PCCB: variants seen among roughly 807,000 people sequenced by gnomAD.
PCCB encodes the protein propionyl-CoA carboxylase subunit beta, also known as propionyl-CoA carboxylase beta chain, mitochondrial.
In PCCB, 43 loss-of-function variants were observed where a neutral mutation model predicts 60.7. The ratio of observed to expected loss-of-function variants is 0.71; its 90% CI spans 0.55 to 0.91. The LOEUF (loss-of-function observed/expected upper bound fraction) is 0.91, where lower values mean the gene tolerates loss of function less well. PCCB is among the 40% of genes least tolerant of loss of function. PCCB has a pLI of 0.00. For synonymous variants in PCCB, 276 were observed against 255.9 expected (o/e 1.08, Z -0.75); for missense variants, 766 against 702.8 (o/e 1.09, Z -1.02).
At chr3:136,263,635 A>G (rs566174080) in intron 5 of PCCB, among the ~76,000 whole-genome samples, 2 of 152,182 alleles carry the variant, frequency 1.3e-5, no homozygotes, top group East Asian at 3.9e-4. Flanking sequence ...TTAATTGCTT[A>G]CTAATGCTGC....
intron 9 of PCCB, among the ~76,000 whole-genome samples, chr3:136,310,227 G>A (rs1238500772): frequency 6.6e-6 from 1 of 152,192 alleles, no homozygotes; most frequent in Non-Finnish European, 1.5e-5. Flanking sequence ...GCCAGGTGTG[G>A]TGGTACATGC....
At chr3:136,273,590 CTTTTTTCTTTTTTTTTTTTT>C (rs1342905864) in intron 5 of PCCB, among the ~76,000 whole-genome samples, 1 of 65,638 alleles carries the variant, frequency 1.5e-5, no homozygotes, top group African/African-American at 6.0e-5. Context: ...TTTTTTTTTT[CTTTTTTCTTTTTTTTTTTTT>C]TTTTTTTTTA....
At chr3:136,259,172 AC>A (rs1262280238) in intron 3 of PCCB, 1 of 1,464,100 alleles carries the variant, frequency 6.8e-7, no homozygotes. Flanking sequence ...TCTTTTTAAA[AC>A]AGCAAATAAT....
intron 9 of PCCB, among the ~76,000 whole-genome samples, chr3:136,308,322 C>T (rs1435523149): frequency 6.6e-6 from 1 of 151,640 alleles, no homozygotes; most frequent in Non-Finnish European, 1.5e-5. Context: ...CAACTTCCAC[C>T]TCCCAGGTTC....
chr3:136,264,440 G>GTGTATATATATATATATATATTA lies in PCCB; in HGVS notation c.543+2376_543+2377insGTATATATATATATATATATTAT. On this transcript the variant is annotated intron_variant, in intron 5 of 14. Coordinates refer to ENST00000251654, the MANE Select transcript of PCCB (RefSeq NM_000532.5). ...CTGTCTCTCATATATATGTGTGTGT[G>GTGTATATATATATATATATATTA]TATATATGTATATATATATATGTTC... 3.2e-5 allele frequency among the ~76,000 whole-genome samples: 4 copies of GTGTATATATATATATATATATTA among 123,858 alleles called. 1 individual carries two copies. Among genetic ancestry groups the GTGTATATATATATATATATATTA allele is most frequent in the African/African-American group, 1.2e-4 (4 of 33,094 alleles). The allele number at this position is 123,858 out of a possible 152,430, so 81.3% of individuals were successfully genotyped here.
chr3:136,328,912 C>G (rs146561489), intron 14 of PCCB, 55 bp downstream of exon 14: 2 of 1,362,924 alleles, frequency 1.5e-6, no homozygotes, highest in African/African-American at 1.4e-5. Flanking sequence ...CTTGCTCATT[C>G]TTTCTCTACA....
chr3:136,262,959 T>TTTG (rs1006708616), intron 5 of PCCB, among the ~76,000 whole-genome samples: 65 of 149,666 alleles, frequency 4.3e-4, no homozygotes, highest in Non-Finnish European at 3.1e-4. Context: ...AGGAGGTTTT[T>TTTG]TTTTTTTTTT....
chr3:136,256,533 T>G (rs780835162), intron 2 of PCCB, 22 bp from the exon 3 acceptor site: 12 of 1,590,016 alleles, frequency 7.5e-6, no homozygotes, highest in Admixed American at 1.7e-5. Flanking sequence ...TTTTAACCTT[T>G]ATTTTTGCAT....
At chr3:136,292,695 G>A (rs1324732898) in intron 6 of PCCB, among the ~76,000 whole-genome samples, 3 of 152,200 alleles carry the variant, frequency 2.0e-5, no homozygotes, top group Non-Finnish European at 4.4e-5. Context: ...GAAAGAATGT[G>A]TTGGGAAGAA....
chr3:136,282,489 A>G (rs1942506609), intron 5 of PCCB, among the ~76,000 whole-genome samples: 1 of 152,078 alleles, frequency 6.6e-6, no homozygotes, highest in African/African-American at 2.4e-5. Context: ...AGTTGCTCTA[A>G]GGGTTACTAT....
At chr3:136,276,269 C>A (rs1942327700) in intron 5 of PCCB, among the ~76,000 whole-genome samples, 1 of 152,072 alleles carries the variant, frequency 6.6e-6, no homozygotes, top group African/African-American at 2.4e-5. Flanking sequence ...TGGGTAGGAA[C>A]CAGTTGTGGC....
At chr3:136,316,524 C>G (rs1287687450) in intron 9 of PCCB, among the ~76,000 whole-genome samples, 1 of 152,052 alleles carries the variant, frequency 6.6e-6, no homozygotes, top group Non-Finnish European at 1.5e-5. Context: ...CTACATTGGC[C>G]AGGCTGGTCT....
intron 10 of PCCB, among the ~76,000 whole-genome samples, chr3:136,323,736 G>C (rs774079405): frequency 3.4e-4 from 51 of 150,584 alleles, no homozygotes; most frequent in Non-Finnish European, 6.3e-4. Context: ...AGTGAGCTGA[G>C]ATGGCGCCAT....
chr3:136,295,995 T>G (rs545663322), intron 7 of PCCB, among the ~76,000 whole-genome samples: 7 of 152,328 alleles, frequency 4.6e-5, no homozygotes, highest in African/African-American at 1.7e-4. Context: ...ATGGACTGTG[T>G]CTGATGCACT....
Position 136,268,465 on chromosome 3 carries a change from GTTTT to G in PCCB, c.543+6414_543+6417del, listed in dbSNP as rs535168208. ...AAGTTGTGTAAAATCCTCCAACTTG[GTTTT>G]TTTTTTTTTTTTTAGATGTAGTCTC... On this transcript the variant is annotated intron_variant, in intron 5 of 14. Coordinates refer to ENST00000251654, the MANE Select transcript of PCCB (RefSeq NM_000532.5). 2.3e-5 allele frequency among the ~76,000 whole-genome samples: 3 copies of G among 133,232 alleles called. No individual in the cohort carries two copies. The South Asian group carries it at 7.2e-4, about 32-fold the overall frequency. 87.4% of individuals were successfully genotyped at this position (133,232 alleles called of 152,430 possible). A position where few individuals can be genotyped will look rare whatever the true frequency, so the allele number is the denominator to read the frequency against.
intron 10 of PCCB, among the ~76,000 whole-genome samples, chr3:136,325,728 GT>G (rs1420698358): frequency 6.6e-6 from 1 of 151,992 alleles, no homozygotes; most frequent in Non-Finnish European, 1.5e-5. Flanking sequence ...TGTTCATATA[GT>G]TTTTTTCCTT....
At chr3:136,291,091 C>G (rs1212407444) in intron 6 of PCCB, among the ~76,000 whole-genome samples, 2 of 151,966 alleles carry the variant, frequency 1.3e-5, no homozygotes, top group Non-Finnish European at 2.9e-5. Flanking sequence ...GCTTACATTG[C>G]TCATCTGCTT....
intron 3 of PCCB, among the ~76,000 whole-genome samples, chr3:136,258,926 C>T (rs987228225): frequency 3.3e-5 from 5 of 151,884 alleles, no homozygotes; most frequent in South Asian, 2.1e-4. Flanking sequence ...CCATTCTCTC[C>T]CTCTAAATCA....
rs931043507 is a variant in PCCB, at chr3:136,270,662, C to G, written c.543+8597C>G. Among the ~76,000 whole-genome samples the G allele has an allele frequency of 4.6e-5, 7 of 152,282 alleles. No individual in the cohort carries two copies. In the South Asian group the frequency reaches 1.2e-3, roughly 27 times the overall value. On this transcript the variant is annotated intron_variant, in intron 5 of 14. Transcript: ENST00000251654. ...CTGGGACTACAGGCACACGCCACTA[C>G]ACCCATCTAATTTTTGTATTTGTAG...
Sources: allele counts gnomAD v4.1 joint callset (sites outside exome capture counted in the v4.1 genomes callset), GRCh38; gene constraint gnomAD v4.1.1; transcripts MANE v1.5; gene names NCBI Gene and HGNC (gene_info 2026-07-23, HGNC 2026-07-21).